The following NREP variants were observed in gnomAD, a reference collection of about 807,000 sequenced individuals.
NREP encodes neuronal regeneration related protein, also known as neuronal regeneration-related protein.
Under a neutral mutation model 8.6 loss-of-function variants are expected in NREP, and 5 were observed. That is an observed-to-expected ratio of 0.58 (90% CI 0.30 to 1.22). The LOEUF is 1.22. Ranked by LOEUF, NREP falls within the 50% of genes most tolerant of loss-of-function variation. The pLI is 0.07. For synonymous variants in NREP, 27 were observed against 28.0 expected (o/e 0.96, Z 0.11); for missense variants, 86 against 82.5 (o/e 1.04, Z -0.17).
At chr5:111,865,070 C>G (rs569229600) in intron 2 of NREP, among the ~76,000 whole-genome samples, 1 of 152,132 alleles carries the variant, frequency 6.6e-6, no homozygotes, top group East Asian at 1.9e-4. Context: ...GTGTACCTGC[C>G]TCGTTCTGAA....
chr5:111,889,152 T>C (rs1231617474), intron 2 of NREP, among the ~76,000 whole-genome samples: 1 of 152,236 alleles, frequency 6.6e-6, no homozygotes, highest in Non-Finnish European at 1.5e-5. Flanking sequence ...CTCATGGTTC[T>C]GCAGGCTGTA....
chr5:111,934,219 G>A (rs375180054), intron 2 of NREP, among the ~76,000 whole-genome samples: 1 of 152,050 alleles, frequency 6.6e-6, no homozygotes, highest in East Asian at 1.9e-4. Flanking sequence ...AGGTGAGAGA[G>A]AGTTCCATTG....
intron 2 of NREP, among the ~76,000 whole-genome samples, chr5:111,862,164 AC>A: frequency 6.6e-6 from 1 of 152,204 alleles, no homozygotes; most frequent in East Asian, 1.9e-4. Context: ...CAAGATGTCT[AC>A]AATTTTAGAC....
intron 3 of NREP, 142 bp from the exon 4 acceptor site, chr5:111,731,188 A>AGTT (rs1748524333): frequency 1.3e-6 from 1 of 793,838 alleles, no homozygotes; most frequent in African/African-American, 1.7e-5. Flanking sequence ...TGCAAAACAG[A>AGTT]GTTTACATAT....
intron 2 of NREP, among the ~76,000 whole-genome samples, chr5:111,880,635 C>A (rs568558285): frequency 1.3e-5 from 2 of 151,416 alleles, no homozygotes; most frequent in Admixed American, 6.6e-5. Context: ...CATCTCTAAT[C>A]GTGGACACAT....
At chr5:111,934,032 G>C (rs1477406701) in intron 2 of NREP, among the ~76,000 whole-genome samples, 1 of 152,014 alleles carries the variant, frequency 6.6e-6, no homozygotes, top group African/African-American at 2.4e-5. Context: ...TTCCTTTTGG[G>C]GACAGAAAGC....
chr5:111,865,102 T>C (rs147103369), intron 2 of NREP, among the ~76,000 whole-genome samples: 1 of 152,238 alleles, frequency 6.6e-6, no homozygotes, highest in East Asian at 1.9e-4. Context: ...CATGCTCCTC[T>C]CCCAGAGCTG....
intron 2 of NREP, among the ~76,000 whole-genome samples, chr5:111,898,562 G>C (rs531753748): frequency 6.6e-6 from 1 of 152,148 alleles, no homozygotes; most frequent in Non-Finnish European, 1.5e-5. Context: ...GTGTAAGAGA[G>C]AAGTTTAGAC....
intron 2 of NREP, among the ~76,000 whole-genome samples, chr5:111,922,303 C>G (rs1186539480): frequency 6.6e-6 from 1 of 151,938 alleles, no homozygotes; most frequent in Non-Finnish European, 1.5e-5. Context: ...TTTGAGATCC[C>G]CTGAGTGACA....
upstream of NREP, among the ~76,000 whole-genome samples, chr5:111,760,628 C>A (rs1427888301): frequency 6.6e-6 from 1 of 152,074 alleles, no homozygotes; most frequent in Non-Finnish European, 1.5e-5. Flanking sequence ...GAGGTGAGGC[C>A]TAAACTGAAT....
rs569523489 is a variant in NREP, at chr5:111,778,937, A to AT, written c.136-43431dup. On this transcript the variant is annotated intron_variant, in intron 2 of 3. Coordinates refer to the NREP transcript ENST00000395634. ...TTCATTCAGTACTAAAGTATGTTTT[A>AT]TTTTTTTAATGGTCCTCGAATATCA... 3.3e-5 allele frequency among the ~76,000 whole-genome samples: 5 copies of AT among 152,198 alleles called. No homozygotes were observed. In the South Asian group the frequency reaches 1.0e-3, roughly 32 times the overall value.
intron 2 of NREP, among the ~76,000 whole-genome samples, chr5:111,920,126 C>G (rs1051286021): frequency 1.3e-5 from 2 of 151,982 alleles, no homozygotes; most frequent in Non-Finnish European, 2.9e-5. Flanking sequence ...TGAGATTTTA[C>G]TGGAAGCTGA....
Position 111,835,575 on chromosome 5 carries a change from C to T in NREP, c.136-100068G>A, listed in dbSNP as rs546888636. 4.6e-5 allele frequency among the ~76,000 whole-genome samples: 7 copies of T among 151,990 alleles called. No homozygotes were observed. In the South Asian group the frequency reaches 1.5e-3, roughly 32 times the overall value. ...TAAGTAGACAAAGAATGAGGATATT[C>T]AAGCAAAAGAAAGAGCATATAAAAG... On this transcript the variant is annotated intron_variant, in intron 2 of 3. Coordinates refer to the NREP transcript ENST00000395634.
chr5:111,840,880 G>T (rs931979603), intron 2 of NREP, among the ~76,000 whole-genome samples: 2 of 152,032 alleles, frequency 1.3e-5, no homozygotes, highest in African/African-American at 4.8e-5. Flanking sequence ...AGATATTTGC[G>T]CAAGGGTGTG....
At chr5:111,825,097 CTTT>C (rs1752592665) in intron 2 of NREP, among the ~76,000 whole-genome samples, 1 of 152,038 alleles carries the variant, frequency 6.6e-6, no homozygotes, top group African/African-American at 2.4e-5. Flanking sequence ...CTCTATTTTC[CTTT>C]TGCATTAAAC....
intron 2 of NREP, among the ~76,000 whole-genome samples, chr5:111,821,661 A>C (rs1422523150): frequency 6.6e-6 from 1 of 152,208 alleles, no homozygotes; most frequent in Non-Finnish European, 1.5e-5. Context: ...TTTTTAAAAA[A>C]ACAATAAAAC....
At chr5:111,952,744 T>C (rs138223871) in intron 2 of NREP, among the ~76,000 whole-genome samples, 100 of 152,248 alleles carry the variant, frequency 6.6e-4, no homozygotes, top group African/African-American at 2.1e-3. Context: ...GTTGGTTGGA[T>C]TGTATCAATG....
At chr5:111,755,252 A>G (rs1180746258) in intron 2 of NREP, 2 of 152,932 alleles carry the variant, frequency 1.3e-5, no homozygotes, top group African/African-American at 2.4e-5. Flanking sequence ...GAAATTATAA[A>G]TCGAGAAAAA....
At chr5:111,950,745 A>G (rs1457609013) in intron 2 of NREP, among the ~76,000 whole-genome samples, 1 of 151,718 alleles carries the variant, frequency 6.6e-6, no homozygotes, top group Non-Finnish European at 1.5e-5. Context: ...TGGGCAAAGG[A>G]TATGAACAGA....
Sources: gnomAD v4.1 joint callset for allele counts (sites outside exome capture counted in the v4.1 genomes callset) on GRCh38, gnomAD v4.1.1 for gene constraint, MANE v1.5 for transcripts, NCBI Gene and HGNC (gene_info 2026-07-23, HGNC 2026-07-21) for gene names.